The following CLASRP variants were observed in gnomAD, a reference collection of about 807,000 sequenced individuals.
The protein encoded by CLASRP is CLK4-associating serine/arginine rich protein.
A neutral mutation model predicts 99.9 loss-of-function variants in CLASRP; 52 were observed. The ratio of observed to expected loss-of-function variants is 0.52; its 90% confidence interval spans 0.42 to 0.66. The LOEUF (loss-of-function observed/expected upper bound fraction) is 0.66, where lower values mean the gene tolerates loss of function less well. Ranked by LOEUF, CLASRP falls within the 30% of genes least tolerant of loss-of-function variation. The pLI, the probability that CLASRP is intolerant of heterozygous loss-of-function variation, is 0.00. For missense variants in CLASRP, 848 were observed against 999.2 expected, an observed-to-expected ratio of 0.85 and a Z score of 2.04; for synonymous variants, 379 against 373.0, an observed-to-expected ratio of 1.02 and a Z score of -0.18.
In CLASRP at chr19:45,067,602, G is replaced by A. The variant is rs752817967; in HGVS notation, c.1667+8G>A. The A allele has an allele frequency of 8.8e-6, 14 of 1,585,324 alleles. No individual in the cohort carries two copies. Among genetic ancestry groups the A allele is most frequent in the Non-Finnish European group, 9.4e-6 (11 of 1,167,126 alleles). The stretch of plus-strand genomic sequence containing the variant: ...GGGCGAGAAGCTGAAAAAGTGAGCG[G>A]GGCGGGTCTGGAGGAAGAGGGCTGC... On this transcript the variant is annotated splice_region_variant and intron_variant, in intron 14 of 20. Coordinates refer to ENST00000221455, the MANE Select transcript of CLASRP (RefSeq NM_007056.3). The surrounding 1 kb of genome is among the most constrained non-coding windows in gnomAD (Gnocchi z 4.9).
chr19:45,063,436 CTTTTTTTTTT>C (rs565600159), intron 11 of CLASRP, among the ~76,000 whole-genome samples: 23 of 42,390 alleles, frequency 5.4e-4, no homozygotes, highest in East Asian at 9.2e-4. Flanking sequence ...ATCTGCTTAT[CTTTTTTTTTT>C]TTTTTTTTTT....
Position 45,070,573 on chromosome 19 carries a change from C to T in CLASRP, c.1982+12C>T. 2 of 1,611,526 alleles carry T rather than the reference C, an allele frequency of 1.2e-6. No individual in the cohort carries two copies. Among genetic ancestry groups the T allele is most frequent in the Non-Finnish European group, 1.7e-6 (2 of 1,177,602 alleles). ...AGCTCTTCTCGAAGGTAAGGAAGCC[C>T]ATGACCCTCCACTTTCTTGGAAGTA... On this transcript the variant is annotated intron_variant, in intron 20 of 20. Transcript: ENST00000221455.
intron 2 of CLASRP, among the ~76,000 whole-genome samples, chr19:45,051,028 T>C (rs1356568574): frequency 6.6e-6 from 1 of 151,946 alleles, no homozygotes; most frequent in African/African-American, 2.4e-5. Context: ...CCACTGCTTG[T>C]TACAGTCTGT....
At chr19:45,042,235 A>G (rs1971826244) in intron 2 of CLASRP, among the ~76,000 whole-genome samples, 1 of 152,152 alleles carries the variant, frequency 6.6e-6, no homozygotes, top group South Asian at 2.1e-4. Context: ...TCTCAAGGGC[A>G]CTTAGGAGCC....
intron 2 of CLASRP, among the ~76,000 whole-genome samples, chr19:45,041,739 C>G (rs1026612455): frequency 3.3e-5 from 5 of 152,228 alleles, no homozygotes; most frequent in African/African-American, 1.2e-4. Context: ...GCCCAGGCTC[C>G]TCACTGTGGC....
Position 45,067,318 on chromosome 19 carries a change from C to T in CLASRP, c.1410-19C>T, listed in dbSNP as rs771550341. On this transcript the variant is annotated intron_variant, in intron 13 of 20. Coordinates refer to ENST00000221455, the MANE Select transcript of CLASRP (RefSeq NM_007056.3). This position sits in a 1 kb window ranked among gnomAD's most constrained non-coding sequence, Gnocchi z 4.9. Reference sequence around the variant, plus strand: ...CCCTGGAGCCTCACAGTCCTCCTCCCGCCCTGCTGCATCCCCAGGAGCCGC... The same window carrying T: ...CCCTGGAGCCTCACAGTCCTCCTCCTGCCCTGCTGCATCCCCAGGAGCCGC... The T allele has an allele frequency of 3.3e-5, 49 of 1,488,686 alleles. 1 individual carries two copies. The highest frequency in any genetic ancestry group is 2.5e-4 in the South Asian group (19 of 75,820). The allele number at this position is 1,488,686 out of a possible 1,614,324, so 92.2% of individuals were successfully genotyped here.
At chr19:45,065,702 C>G (rs1967070968) in intron 13 of CLASRP, among the ~76,000 whole-genome samples, 1 of 151,700 alleles carries the variant, frequency 6.6e-6, no homozygotes, top group Non-Finnish European at 1.5e-5. Context: ...CAGGGCTGCC[C>G]TGGGAAGGGC....
At chr19:45,068,715 C>G (rs915553500) in intron 16 of CLASRP, among the ~76,000 whole-genome samples, 8 of 152,182 alleles carry the variant, frequency 5.3e-5, no homozygotes, top group African/African-American at 1.7e-4. Context: ...GAGTGGGGCT[C>G]TTAGCGGGCA....
At chr19:45,050,685 T>C in intron 2 of CLASRP, among the ~76,000 whole-genome samples, 1 of 152,206 alleles carries the variant, frequency 6.6e-6, no homozygotes, top group East Asian at 1.9e-4. Context: ...TATATTCTTG[T>C]CACTACTTGT....
At chr19:45,042,525 A>G (rs554242316) in intron 2 of CLASRP, among the ~76,000 whole-genome samples, 4 of 151,928 alleles carry the variant, frequency 2.6e-5, no homozygotes, top group South Asian at 4.2e-4. Flanking sequence ...ATATATATAT[A>G]TATGTGTGTG....
chr19:45,059,742 G>T (rs1166858686), intron 8 of CLASRP, among the ~76,000 whole-genome samples: 2 of 152,164 alleles, frequency 1.3e-5, no homozygotes, highest in Non-Finnish European at 2.9e-5. Flanking sequence ...GAGCTCACAA[G>T]ACCACACAGA....
In CLASRP at chr19:45,059,870, G is replaced by A. The variant is rs114133866; in HGVS notation, c.710+506G>A. Among the ~76,000 whole-genome samples the A allele has an allele frequency of 5.7e-3, 864 of 152,200 alleles. 14 individuals carry two copies. The highest frequency in any genetic ancestry group is 0.019 in the African/African-American group (795 of 41,520). On this transcript the variant is annotated intron_variant, in intron 8 of 20. Coordinates refer to ENST00000221455, the MANE Select transcript of CLASRP (RefSeq NM_007056.3). ...AACATCCAGTGTCCTCACCATGGCC[G>A]AAAGGTCTTACCCATCTGGTCCTCT...
chr19:45,065,433 C>T (rs1450892424), intron 13 of CLASRP, among the ~76,000 whole-genome samples: 2 of 151,126 alleles, frequency 1.3e-5, no homozygotes, highest in East Asian at 1.9e-4. Context: ...TGGTGGCACG[C>T]GCATGTAGTC....
chr19:45,054,012 A>G (rs1267190306), intron 5 of CLASRP, among the ~76,000 whole-genome samples: 1 of 152,224 alleles, frequency 6.6e-6, no homozygotes, highest in Non-Finnish European at 1.5e-5. Context: ...GATTTAAATG[A>G]ATATTTGCCA....
chr19:45,060,242 G>T lies in CLASRP; in HGVS notation c.711-147G>T. 4 of 681,214 alleles carry T rather than the reference G, an allele frequency of 5.9e-6. No individual in the cohort carries two copies. Among genetic ancestry groups the T allele is most frequent in the Middle Eastern group, 2.4e-4 (1 of 4,110 alleles). The allele number at this position is 681,214 out of a possible 1,614,324, so 42.2% of individuals were successfully genotyped here. On this transcript the variant is annotated intron_variant, in intron 8 of 20. Transcript: ENST00000221455. The surrounding 1 kb of genome is among the most constrained non-coding windows in gnomAD (Gnocchi z 4.6). ...TAAGATAGCACCTGGCACACAGAGG[G>T]TGCTTGATAAGTGGCATTGAATGAA...
chr19:45,056,346 C>G lies in CLASRP; in HGVS notation c.380-104C>G, dbSNP rs1270497035. 8.7e-6 allele frequency: 8 copies of G among 918,662 alleles called. No individual in the cohort carries two copies. In the East Asian group the frequency reaches 1.9e-4, roughly 22 times the overall value. 56.9% of individuals were successfully genotyped at this position (918,662 alleles called of 1,614,324 possible). A position where few individuals can be genotyped will look rare whatever the true frequency, so the allele number is the denominator to read the frequency against. ...AGTGGTGACTGCCCCCCAAGGTGCACTGGGGTTGCACCTGTCTTCCTGCCC... is the reference window on the plus strand; with the variant it reads ...AGTGGTGACTGCCCCCCAAGGTGCAGTGGGGTTGCACCTGTCTTCCTGCCC... On this transcript the variant is annotated intron_variant, in intron 5 of 20. Coordinates refer to ENST00000221455, the MANE Select transcript of CLASRP (RefSeq NM_007056.3).
intron 3 of CLASRP, 111 bp downstream of exon 3, chr19:45,052,279 C>A: frequency 1.2e-6 from 1 of 852,316 alleles, no homozygotes; most frequent in Non-Finnish European, 1.9e-6. Context: ...CCTTTGGGGA[C>A]TCAGAGGCAG....
chr19:45,043,737 C>G (rs1971860848), intron 2 of CLASRP, among the ~76,000 whole-genome samples: 2 of 152,080 alleles, frequency 1.3e-5, no homozygotes, highest in Admixed American at 1.3e-4. Flanking sequence ...ACCTCTGCCA[C>G]CCAGGAAGGA....
Position 45,060,527 on chromosome 19 carries a change from A to G in CLASRP, c.790-27A>G. The G allele has an allele frequency of 6.2e-7, 1 of 1,613,300 alleles. No individual in the cohort carries two copies. The highest frequency in any genetic ancestry group is 8.5e-7 in the Non-Finnish European group (1 of 1,179,416). ...TGTGTCACAGGGAGGGCACCCCCTCACCAACCTGGCACCCACCCTACTCCA... is the reference window on the plus strand; with the variant it reads ...TGTGTCACAGGGAGGGCACCCCCTCGCCAACCTGGCACCCACCCTACTCCA... On this transcript the variant is annotated intron_variant, in intron 9 of 20. Coordinates refer to ENST00000221455, the MANE Select transcript of CLASRP (RefSeq NM_007056.3). The surrounding 1 kb of genome is among the most constrained non-coding windows in gnomAD (Gnocchi z 4.6).
Sources: allele counts gnomAD v4.1 joint callset (sites outside exome capture counted in the v4.1 genomes callset), GRCh38; gene constraint gnomAD v4.1.1; non-coding constraint Gnocchi (gnomAD v3.1); transcripts MANE v1.5; gene names NCBI Gene and HGNC (gene_info 2026-07-23, HGNC 2026-07-21).